COMMD10: variants seen among roughly 807,000 people sequenced by gnomAD.
The protein encoded by COMMD10 is COMM domain containing 10.
In COMMD10, 33 loss-of-function variants were observed where a neutral mutation model predicts 28.9. That is an observed-to-expected ratio of 1.14 (90% CI 0.87 to 1.53). The LOEUF (loss-of-function observed/expected upper bound fraction) is 1.53. Ranked by LOEUF, COMMD10 falls within the 40% of genes most tolerant of loss-of-function variation. The probability of loss-of-function intolerance (pLI) is 0.00; values close to 1 mark genes in which losing one functional copy is unlikely to be tolerated. For synonymous variants in COMMD10, 110 were observed against 81.7 expected (o/e 1.35, Z -1.87); for missense variants, 310 against 233.4 (o/e 1.33, Z -2.14).
intron 4 of COMMD10, among the ~76,000 whole-genome samples, chr5:116,120,806 T>C (rs1407188031): frequency 1.3e-5 from 2 of 152,176 alleles, no homozygotes; most frequent in East Asian, 1.9e-4. Flanking sequence ...CTCAGTTTGC[T>C]TATCTGTTCA....
At chr5:116,195,172 A>G (rs971292558) in intron 5 of COMMD10, among the ~76,000 whole-genome samples, 7 of 152,194 alleles carry the variant, frequency 4.6e-5, no homozygotes, top group African/African-American at 7.2e-5. Flanking sequence ...CCATAATGTA[A>G]TAAAAGCCAT....
intron 4 of COMMD10, among the ~76,000 whole-genome samples, chr5:116,104,969 C>T (rs978196429): frequency 3.3e-5 from 5 of 152,254 alleles, no homozygotes; most frequent in South Asian, 2.1e-4. Flanking sequence ...GCCTGATTGC[C>T]GTGGCTAGAA....
At chr5:116,177,476 C>T (rs1209088595) in intron 5 of COMMD10, among the ~76,000 whole-genome samples, 1 of 151,918 alleles carries the variant, frequency 6.6e-6, no homozygotes, top group African/African-American at 2.4e-5. Flanking sequence ...TGTCATTTTT[C>T]TAAAACAAAG....
At chr5:116,100,109 A>G (rs151015970) in intron 4 of COMMD10, among the ~76,000 whole-genome samples, 1 of 152,196 alleles carries the variant, frequency 6.6e-6, no homozygotes, top group Non-Finnish European at 1.5e-5. Context: ...GTGACCTGTC[A>G]TATGAGATCA....
At chr5:116,170,114 T>G (rs1753271881) in intron 5 of COMMD10, among the ~76,000 whole-genome samples, 1 of 152,170 alleles carries the variant, frequency 6.6e-6, no homozygotes, top group Non-Finnish European at 1.5e-5. Flanking sequence ...AAAATCTCCT[T>G]AAGCTGATAA....
intron 4 of COMMD10, among the ~76,000 whole-genome samples, chr5:116,107,311 C>T (rs1409520484): frequency 6.6e-6 from 1 of 152,130 alleles, no homozygotes; most frequent in Non-Finnish European, 1.5e-5. Flanking sequence ...CTTTGAGGTA[C>T]ACCAATCAAA....
chr5:116,258,278 G>C (rs1750345639), intron 5 of COMMD10, among the ~76,000 whole-genome samples: 1 of 151,632 alleles, frequency 6.6e-6, no homozygotes. Flanking sequence ...CCCTAGATAA[G>C]ATCTGTAGCA....
At chr5:116,194,465 C>CT (rs2112616095) in intron 5 of COMMD10, among the ~76,000 whole-genome samples, 1 of 152,162 alleles carries the variant, frequency 6.6e-6, no homozygotes, top group East Asian at 1.9e-4. Context: ...AATGACCTCA[C>CT]TAAGAAACAA....
At chr5:116,203,807 C>G (rs556483893) in intron 5 of COMMD10, among the ~76,000 whole-genome samples, 1 of 151,972 alleles carries the variant, frequency 6.6e-6, no homozygotes, top group Non-Finnish European at 1.5e-5. Flanking sequence ...TAAAGACCAT[C>G]GAGACTAGGA....
At chr5:116,280,814 G>T (rs1751048472) in intron 5 of COMMD10, among the ~76,000 whole-genome samples, 1 of 151,772 alleles carries the variant, frequency 6.6e-6, no homozygotes, top group African/African-American at 2.4e-5. Context: ...TAATTATATT[G>T]TTATAGAGAA....
At chr5:116,224,603 A>G (rs1398395295) in intron 5 of COMMD10, among the ~76,000 whole-genome samples, 1 of 152,146 alleles carries the variant, frequency 6.6e-6, no homozygotes, top group Non-Finnish European at 1.5e-5. Context: ...CAGATCTCAT[A>G]TGAACTCAGA....
At chr5:116,104,072 C>G (rs998557036) in intron 4 of COMMD10, among the ~76,000 whole-genome samples, 1 of 152,138 alleles carries the variant, frequency 6.6e-6, no homozygotes, top group Admixed American at 6.5e-5. Context: ...AGTTTGAAGT[C>G]AGGTAGCATG....
chr5:116,244,660 CAAAAA>C (rs60360733), intron 5 of COMMD10, among the ~76,000 whole-genome samples: 9 of 79,486 alleles, frequency 1.1e-4, no homozygotes, highest in African/African-American at 1.4e-4. Flanking sequence ...AAAAAAATTA[CAAAAA>C]AAAAAAAAAA....
At chr5:116,257,041 T>C (rs1750308151) in intron 5 of COMMD10, among the ~76,000 whole-genome samples, 1 of 151,946 alleles carries the variant, frequency 6.6e-6, no homozygotes, top group Middle Eastern at 3.4e-3. Context: ...AGTGCTGTTT[T>C]TGTTAAAAGG....
intron 5 of COMMD10, among the ~76,000 whole-genome samples, chr5:116,215,503 A>T (rs1749070331): frequency 6.6e-6 from 1 of 151,494 alleles, no homozygotes. Context: ...CCTCGCCAAC[A>T]AGGTGAAACC....
At position 116,134,008 on chromosome 5, in the gene COMMD10, A is replaced by G. The variant is rs1751944918; in HGVS notation, c.400-60A>G. On this transcript the variant is annotated intron_variant, in intron 4 of 6. Coordinates refer to ENST00000274458, the MANE Select transcript of COMMD10 (RefSeq NM_016144.4). ...TTCCTGCTGAGTGGAGATTTGCTTA[A>G]AGTTGACTGTTTTCTTCCTTCTGTA... is the stretch of plus-strand genomic sequence containing the variant. 4 of 981,306 alleles carry G rather than the reference A, an allele frequency of 4.1e-6. No individual in the cohort carries two copies. The East Asian group carries it at 9.5e-5, about 23-fold the overall frequency. The allele number at this position is 981,306 out of a possible 1,614,324, so 60.8% of individuals were successfully genotyped here. A position where few individuals can be genotyped will look rare whatever the true frequency, so the allele number is the denominator to read the frequency against.
intron 5 of COMMD10, among the ~76,000 whole-genome samples, chr5:116,186,612 A>G (rs531461082): frequency 1.1e-4 from 17 of 152,226 alleles, no homozygotes; most frequent in Middle Eastern, 3.4e-3. Flanking sequence ...CACTTGTCAC[A>G]TTTGTAATAA....
At chr5:116,199,779 A>G (rs1421558938) in intron 5 of COMMD10, among the ~76,000 whole-genome samples, 1 of 152,118 alleles carries the variant, frequency 6.6e-6, no homozygotes, top group African/African-American at 2.4e-5. Flanking sequence ...TTTTAAAATA[A>G]ACAGGGTCTC....
At chr5:116,258,543 A>G (rs544292774) in intron 5 of COMMD10, among the ~76,000 whole-genome samples, 2 of 151,728 alleles carry the variant, frequency 1.3e-5, no homozygotes, top group South Asian at 2.1e-4. Context: ...CTGAAAATGT[A>G]TATTTATTCT....
Sources: allele counts gnomAD v4.1 joint callset (sites outside exome capture counted in the v4.1 genomes callset), GRCh38; gene constraint gnomAD v4.1.1; transcripts MANE v1.5; gene names NCBI Gene and HGNC (gene_info 2026-07-23, HGNC 2026-07-21).